Variants in SEMA6A observed in about 807,000 individuals in gnomAD.
SEMA6A encodes semaphorin-6A.
Under a neutral mutation model 96.8 loss-of-function variants are expected in SEMA6A, and 25 were observed. The observed-to-expected ratio is 0.26, with a 90% CI of 0.19 to 0.36. SEMA6A has a LOEUF of 0.36. SEMA6A is among the 10% of genes least tolerant of loss of function. The pLI, the probability that SEMA6A is intolerant of heterozygous loss-of-function variation, is 1.00. For synonymous variants in SEMA6A, 612 were observed against 518.0 expected (o/e 1.18, Z -2.46); for missense variants, 1,363 against 1,323.1 (o/e 1.03, Z -0.47).
chr5:116,505,257 C>T (rs910942226), intron 1 of SEMA6A, among the ~76,000 whole-genome samples: 39 of 152,134 alleles, frequency 2.6e-4, no homozygotes, highest in African/African-American at 9.4e-4. Context: ...TTATAGATGG[C>T]TATTTCACAG....
intron 18 of SEMA6A, among the ~76,000 whole-genome samples, chr5:116,458,254 T>A (rs1254883136): frequency 6.6e-6 from 1 of 152,204 alleles, no homozygotes; most frequent in Non-Finnish European, 1.5e-5. Flanking sequence ...ACAGTGCCGT[T>A]GAACCAATTA....
At chr5:116,519,692 C>T (rs985926501) in intron 1 of SEMA6A, among the ~76,000 whole-genome samples, 5 of 138,136 alleles carry the variant, frequency 3.6e-5, no homozygotes, top group Non-Finnish European at 4.4e-5. Context: ...CACACACACA[C>T]GCACACACAT....
intron 15 of SEMA6A, 122 bp downstream of exon 15, chr5:116,477,724 C>A (rs1756529171): frequency 3.3e-6 from 3 of 915,272 alleles, no homozygotes; most frequent in African/African-American, 3.3e-5. Context: ...GGCTGACAGT[C>A]CCGTTGCTGG....
Position 116,488,931 on chromosome 5 carries a change from G to T in SEMA6A, c.612C>A (p.Ser204Arg). ...DAVIYRSLGE[S>R]PTLRTVKHDS... The stretch of plus-strand genomic sequence containing the variant: ...CGTGCTTGACGGTCCGCAGGGTAGG[G>T]CTTTCTCCAAGACTCCGGTAAATGA... The change falls in exon 8 of 19, where the codon AGC becomes AGA. Residue 204 changes from serine (S) to arginine (R), a missense_variant. Physicochemically the swap from Ser to Arg is moderately radical, Grantham distance 110. This residue lies in a region of SEMA6A where 480 missense variants were observed against 559.5 expected (regional missense o/e 0.86). Coordinates refer to ENST00000343348, the MANE Select transcript of SEMA6A (RefSeq NM_020796.5). 6.3e-7 allele frequency: 1 copy of T among 1,589,376 alleles called. No homozygotes were observed. The highest frequency in any genetic ancestry group is 8.6e-7 in the Non-Finnish European group (1 of 1,166,866).
At chr5:116,573,958 T>TG (rs774324713) in intron 1 of SEMA6A, among the ~76,000 whole-genome samples, 1 of 150,596 alleles carries the variant, frequency 6.6e-6, no homozygotes, top group Non-Finnish European at 1.5e-5. Context: ...GGGAAAGCTC[T>TG]CGACGTGGAG....
Position 116,446,650 on chromosome 5 carries a change from A to C in SEMA6A, c.3056T>G (p.Leu1019Arg). 1 of 1,528,712 alleles carries C rather than the reference A, an allele frequency of 6.5e-7. No homozygotes were observed. Among genetic ancestry groups the C allele is most frequent in the African/African-American group, 1.4e-5 (1 of 72,940 alleles). 94.7% of individuals were successfully genotyped at this position (1,528,712 alleles called of 1,614,324 possible). A position where few individuals can be genotyped will look rare whatever the true frequency, so the allele number is the denominator to read the frequency against. ...DVPPKPSFAP[L>R]STSMKPNDAC... Reference sequence around the variant, plus strand: ...ATCATTGGGCTTCATGGATGTGGAAAGGGGAGCAAAGGATGGTTTGGGGGG... The same window carrying C: ...ATCATTGGGCTTCATGGATGTGGAACGGGGAGCAAAGGATGGTTTGGGGGG... Residue 1019 changes from leucine to arginine, a missense_variant, in exon 19 of 19, where the codon CTT becomes CGT. Around this residue, in one of 2 missense-constraint regions of SEMA6A, gnomAD observed 883 missense variants for 763.6 expected, o/e 1.16. Coordinates refer to ENST00000343348, the MANE Select transcript of SEMA6A (RefSeq NM_020796.5).
intron 1 of SEMA6A, among the ~76,000 whole-genome samples, chr5:116,544,437 T>G (rs1397037643): frequency 6.6e-6 from 1 of 152,016 alleles, no homozygotes; most frequent in Non-Finnish European, 1.5e-5. Context: ...ATGACAGGCA[T>G]GTGCCACCAT....
intron 2 of SEMA6A, among the ~76,000 whole-genome samples, chr5:116,503,205 T>C (rs1170146691): frequency 6.6e-6 from 1 of 152,142 alleles, no homozygotes; most frequent in Non-Finnish European, 1.5e-5. Flanking sequence ...AGGCACTTGT[T>C]TTCTGGAGAG....
At chr5:116,492,796 G>A (rs1757392458) in intron 6 of SEMA6A, among the ~76,000 whole-genome samples, 2 of 152,180 alleles carry the variant, frequency 1.3e-5, no homozygotes, top group South Asian at 4.1e-4. Flanking sequence ...ATGCTTGTGT[G>A]CTATGATAAG....
At chr5:116,493,594 C>T (rs1757434612) in intron 6 of SEMA6A, among the ~76,000 whole-genome samples, 1 of 152,104 alleles carries the variant, frequency 6.6e-6, no homozygotes, top group Non-Finnish European at 1.5e-5. Context: ...CTCACTTGCT[C>T]CACCCTAATC....
At chr5:116,455,984 CAATT>C (rs1238217116) in intron 18 of SEMA6A, among the ~76,000 whole-genome samples, 1 of 152,106 alleles carries the variant, frequency 6.6e-6, no homozygotes, top group Non-Finnish European at 1.5e-5. Context: ...TGTTAATGCT[CAATT>C]AATAATGTAA....
chr5:116,458,683 C>T (rs565222271), intron 18 of SEMA6A, among the ~76,000 whole-genome samples: 1 of 152,244 alleles, frequency 6.6e-6, no homozygotes, highest in Non-Finnish European at 1.5e-5. Flanking sequence ...TGTGCAAATT[C>T]AGGCAGGCAG....
intron 1 of SEMA6A, among the ~76,000 whole-genome samples, chr5:116,513,491 C>A (rs1158144304): frequency 6.6e-6 from 1 of 152,038 alleles, no homozygotes. Context: ...TGATTTTGTA[C>A]AATTCCTCTG....
chr5:116,565,465 T>G (rs1760987145), intron 1 of SEMA6A, among the ~76,000 whole-genome samples: 1 of 152,206 alleles, frequency 6.6e-6, no homozygotes, highest in South Asian at 2.1e-4. Flanking sequence ...GGGCCATCAT[T>G]CATGATACAA....
chr5:116,445,268 T>G lies in SEMA6A; in HGVS notation c.*1345A>C, dbSNP rs7712615. The G allele has an allele frequency of 7.6e-4, 116 of 152,746 alleles. No homozygotes were observed. The highest frequency in any genetic ancestry group is 2.7e-3 in the African/African-American group (114 of 41,568). 9.5% of individuals were successfully genotyped at this position (152,746 alleles called of 1,614,324 possible). A position where few individuals can be genotyped will look rare whatever the true frequency, so the allele number is the denominator to read the frequency against. On this transcript the variant is annotated 3_prime_UTR_variant, in exon 19 of 19. Transcript: ENST00000343348. ...TTTCAAAAGGGGGAACAGTTGATCA[T>G]AAAGAGTTTACAAGTGTACACAACT...
At chr5:116,507,716 G>A (rs927580483) in intron 1 of SEMA6A, among the ~76,000 whole-genome samples, 3 of 152,156 alleles carry the variant, frequency 2.0e-5, no homozygotes, top group Admixed American at 2.0e-4. Context: ...CAGAAAATTA[G>A]ATAAAGGAAG....
intron 1 of SEMA6A, among the ~76,000 whole-genome samples, chr5:116,541,154 T>C (rs768379810): frequency 6.6e-6 from 1 of 152,120 alleles, no homozygotes; most frequent in Non-Finnish European, 1.5e-5. Flanking sequence ...GGGTGGAGGG[T>C]AAACACAACA....
chr5:116,545,211 T>TGC (rs1258986469), intron 1 of SEMA6A, among the ~76,000 whole-genome samples: 3 of 152,222 alleles, frequency 2.0e-5, no homozygotes, highest in Admixed American at 2.0e-4. Context: ...GCTTAGATTG[T>TGC]GCGGTCTGGC....
At chr5:116,493,675 T>A (rs1425943460) in intron 6 of SEMA6A, among the ~76,000 whole-genome samples, 1 of 152,074 alleles carries the variant, frequency 6.6e-6, no homozygotes, top group Non-Finnish European at 1.5e-5. Flanking sequence ...GACCCTCCCT[T>A]CACTGTACAT....
Sources: allele counts gnomAD v4.1 joint callset (sites outside exome capture counted in the v4.1 genomes callset), GRCh38; gene constraint gnomAD v4.1.1; regional missense constraint gnomAD v4.1.1; transcripts MANE v1.5; gene names NCBI Gene and HGNC (gene_info 2026-07-23, HGNC 2026-07-21).